The following MYH9 variants were observed in gnomAD, a reference collection of about 807,000 sequenced individuals.
MYH9 encodes myosin-9.
A neutral mutation model predicts 241.9 loss-of-function variants in MYH9; 29 were observed. That is an observed-to-expected ratio of 0.12 (90% confidence interval 0.09 to 0.16). The LOEUF (loss-of-function observed/expected upper bound fraction) is 0.16, where lower values mean the gene tolerates loss of function less well. Ranked by LOEUF, MYH9 falls within the 10% of genes least tolerant of loss-of-function variation. The pLI, the probability that MYH9 is intolerant of heterozygous loss-of-function variation, is 1.00. For synonymous variants in MYH9, 1,047 were observed against 1,062.6 expected (o/e 0.99, Z 0.29); for missense variants, 1,803 against 2,595.5 (o/e 0.69, Z 6.63).
At chr22:36,319,763 G>T in intron 9 of MYH9, 128 bp from the exon 10 acceptor site, 1 of 926,198 alleles carries the variant, frequency 1.1e-6, no homozygotes, top group Non-Finnish European at 1.7e-6. Context: ...ACTCCCTGGG[G>T]CCACAGGGGC....
Position 36,385,090 on chromosome 22 carries a change from C to T in MYH9, c.-20+2717G>A, listed in dbSNP as rs148443376. Among the ~76,000 whole-genome samples the T allele has an allele frequency of 3.0e-4, 45 of 151,998 alleles. No homozygotes were observed. The East Asian group carries it at 8.5e-3, about 29-fold the overall frequency. On this transcript the variant is annotated intron_variant, in intron 1 of 40. Coordinates refer to ENST00000216181, the MANE Select transcript of MYH9 (RefSeq NM_002473.6). ...AATTAGGACGTTTGTTTAATTACGA[C>T]GACACACAGATTTTGTTATTCTAAA... is the stretch of plus-strand genomic sequence containing the variant.
intron 1 of MYH9, among the ~76,000 whole-genome samples, chr22:36,386,851 G>A (rs2018359662): frequency 1.3e-5 from 2 of 152,278 alleles, no homozygotes; most frequent in South Asian, 4.1e-4. Context: ...GAGGACCCCA[G>A]CACAGGGAAG....
At position 36,312,207 on chromosome 22, in the gene MYH9, T is replaced by TGCCC; in HGVS notation, c.1566_1569dup (p.Ile524GlyfsTer45). 6.2e-7 allele frequency: 1 copy of TGCCC among 1,614,086 alleles called. No homozygotes were observed. Among genetic ancestry groups the TGCCC allele is most frequent in the Non-Finnish European group, 8.5e-7 (1 of 1,180,010 alleles). On this transcript the variant is annotated frameshift_variant, in exon 14 of 41. Coordinates refer to ENST00000216181, the MANE Select transcript of MYH9 (RefSeq NM_002473.6). LOFTEE classifies it high-confidence loss of function. ...CACTCCTCGTCCAGCAGGGCCAGAATGCCCGGGGGGCCTGCCTGGAGGAAG... is the reference window on the plus strand; with the variant it reads ...CACTCCTCGTCCAGCAGGGCCAGAATGCCCGCCCGGGGGGCCTGCCTGGAGGAAG...
intron 1 of MYH9, among the ~76,000 whole-genome samples, chr22:36,351,842 ACGCAT>A (rs1470075500): frequency 1.3e-5 from 2 of 152,006 alleles, no homozygotes; most frequent in African/African-American, 4.8e-5. Flanking sequence ...CCGCCAATGA[ACGCAT>A]CTGAGGACAT....
intron 1 of MYH9, among the ~76,000 whole-genome samples, chr22:36,375,926 A>C (rs1395753880): frequency 6.8e-6 from 1 of 147,948 alleles, no homozygotes; most frequent in Non-Finnish European, 1.5e-5. Context: ...TCAGCATGGT[A>C]CCTAGTACAT....
At chr22:36,299,160 A>G (rs2146341912) in intron 23 of MYH9, 118 bp from the exon 24 acceptor site, 1 of 1,347,650 alleles carries the variant, frequency 7.4e-7, no homozygotes, top group Admixed American at 1.7e-5. Flanking sequence ...TAGACGCTTG[A>G]TCAAGTTCAT....
Position 36,305,994 on chromosome 22 carries a change from C to G in MYH9, c.2095G>C (p.Glu699Gln). 6.2e-7 allele frequency: 1 copy of G among 1,613,400 alleles called. No homozygotes were observed. The highest frequency in any genetic ancestry group is 2.2e-5 in the East Asian group (1 of 44,880). ...CCCTGGCGGCAGATACGGATGCCCTCGAGAACACCGTTGCAGCGCAGCTGG... is the reference window on the plus strand; with the variant it reads ...CCCTGGCGGCAGATACGGATGCCCTGGAGAACACCGTTGCAGCGCAGCTGG... The part of the protein sequence containing the change: ...LDQLRCNGVL[E>Q]GIRICRQGFP... The change falls in exon 17 of 41, where the codon GAG becomes CAG. Residue 699 changes from glutamate to glutamine, a missense_variant. By Grantham distance (29) the Glu-to-Gln change is conservative. Around this residue, in one of 11 missense-constraint regions of MYH9, gnomAD observed 163 missense variants for 349.7 expected, o/e 0.47. Coordinates refer to ENST00000216181, the MANE Select transcript of MYH9 (RefSeq NM_002473.6). This position sits in a 1 kb window ranked among gnomAD's most constrained non-coding sequence, Gnocchi z 4.7.
At chr22:36,386,163 G>A (rs2018347645) in intron 1 of MYH9, among the ~76,000 whole-genome samples, 1 of 151,980 alleles carries the variant, frequency 6.6e-6, no homozygotes, top group Non-Finnish European at 1.5e-5. Context: ...ACCTTTCCGG[G>A]GTCCCTGTCA....
chr22:36,333,109 G>T (rs2017448987), intron 3 of MYH9, among the ~76,000 whole-genome samples: 1 of 152,226 alleles, frequency 6.6e-6, no homozygotes, highest in Non-Finnish European at 1.5e-5. Flanking sequence ...CACACACAGG[G>T]AGCATGGCAG....
At chr22:36,348,837 A>AGGGGGGGGGGGGGG in intron 2 of MYH9, 67 bp downstream of exon 2, 1 of 539,148 alleles carries the variant, frequency 1.9e-6, no homozygotes, top group Non-Finnish European at 2.9e-6. Context: ...TGATGGGAAG[A>AGGGGGGGGGGGGGG]CCCGCCCCCC....
chr22:36,365,414 A>C (rs1219411985), intron 1 of MYH9, among the ~76,000 whole-genome samples: 2 of 152,168 alleles, frequency 1.3e-5, no homozygotes, highest in East Asian at 3.8e-4. Flanking sequence ...CAGAGGCGCC[A>C]GGGCATCTCA....
At position 36,305,941 on chromosome 22, in the gene MYH9, C is replaced by T; in HGVS notation, c.2148G>A (p.Glu716=). Residue 716 remains glutamate, a synonymous_variant, in exon 17 of 41, where the codon GAG becomes GAA. Transcript: ENST00000216181. This position sits in a 1 kb window ranked among gnomAD's most constrained non-coding sequence, Gnocchi z 4.7. ...QGFPNRVVFQ[E]FRQRYEILTP... ...GGGCCCTGGCTCACCTCTGCCGAAA[C>T]TCCTGGAAGACCACCCTGTTGGGGA... is the stretch of plus-strand genomic sequence containing the variant. The T allele has an allele frequency of 6.2e-7, 1 of 1,613,232 alleles. No individual in the cohort carries two copies. The highest frequency in any genetic ancestry group is 8.5e-7 in the Non-Finnish European group (1 of 1,179,990).
chr22:36,308,684 G>A (rs1488669838), intron 15 of MYH9: 1 of 387,236 alleles, frequency 2.6e-6, no homozygotes, highest in East Asian at 1.7e-4. Flanking sequence ...TCAGGGAACG[G>A]GGGTGTAAGC....
chr22:36,349,128 C>T lies in MYH9; in HGVS notation c.109G>A (p.Asp37Asn), dbSNP rs1428883091. 8 of 1,614,164 alleles carry T rather than the reference C, an allele frequency of 5.0e-6. No individual in the cohort carries two copies. The highest frequency in any genetic ancestry group is 1.6e-4 in the Middle Eastern group (1 of 6,062). Residue 37 changes from aspartate (D) to asparagine (N), a missense_variant, in exon 2 of 41, where the codon GAC (aspartate) becomes AAC (asparagine). Physicochemically the swap from Asp to Asn is conservative, Grantham distance 23 (BLOSUM62 1). This residue lies in a region of MYH9 where 75 missense variants were observed against 79.1 expected (regional missense o/e 0.95). Coordinates refer to ENST00000216181, the MANE Select transcript of MYH9 (RefSeq NM_002473.6). Reference sequence around the variant, plus strand: ...CTGGCTGGCTCAAAGCCACTCTTGTCGGAAGGCACCCATACCAGCTTCTTG... The same window carrying T: ...CTGGCTGGCTCAAAGCCACTCTTGTTGGAAGGCACCCATACCAGCTTCTTG... Reference protein sequence around the residue: ...AAKKLVWVPSDKSGFEPASLK... With the variant: ...AAKKLVWVPSNKSGFEPASLK...
Position 36,330,331 on chromosome 22 carries a change from A to C in MYH9, c.491-2843T>G, listed in dbSNP as rs1171643413. ...CTTACCGCACTGCTTAGTATCCTAAATCCACCGGCCGGATGCACCACGAAT... is the reference window on the plus strand; with the variant it reads ...CTTACCGCACTGCTTAGTATCCTAACTCCACCGGCCGGATGCACCACGAAT... On this transcript the variant is annotated intron_variant, in intron 3 of 40. Transcript: ENST00000216181. The surrounding 1 kb of genome is among the most constrained non-coding windows in gnomAD (Gnocchi z 4.5). Among the ~76,000 whole-genome samples the C allele has an allele frequency of 6.6e-6, 1 of 152,170 alleles. No homozygotes were observed. The highest frequency in any genetic ancestry group is 1.9e-4 in the East Asian group (1 of 5,192).
At chr22:36,325,541 C>G (rs1235580134) in intron 5 of MYH9, among the ~76,000 whole-genome samples, 3 of 152,332 alleles carry the variant, frequency 2.0e-5, no homozygotes, top group East Asian at 3.9e-4. Context: ...TAAGTCTGAT[C>G]ACCCCAACCT....
At chr22:36,337,988 CTTTCT>C (rs752748817) in intron 3 of MYH9, among the ~76,000 whole-genome samples, 196 of 151,526 alleles carry the variant, frequency 1.3e-3, no homozygotes, top group Non-Finnish European at 2.0e-3. Flanking sequence ...AAAGAAGGAA[CTTTCT>C]TTTCTTTTTT....
At chr22:36,362,267 G>A (rs754843168) in intron 1 of MYH9, among the ~76,000 whole-genome samples, 1 of 152,086 alleles carries the variant, frequency 6.6e-6, no homozygotes, top group African/African-American at 2.4e-5. Flanking sequence ...TTTACCCTCT[G>A]ATCTCCTACT....
At position 36,329,822 on chromosome 22, in the gene MYH9, T is replaced by G. The variant is rs1305339504; in HGVS notation, c.491-2334A>C. ...ACACACATAGACACGCAAGCATCTGTGCATACACAGTCACATATGGAGGTA... is the reference window on the plus strand; with the variant it reads ...ACACACATAGACACGCAAGCATCTGGGCATACACAGTCACATATGGAGGTA... On this transcript the variant is annotated intron_variant, in intron 3 of 40. Transcript: ENST00000216181. This position sits in a 1 kb window ranked among gnomAD's most constrained non-coding sequence, Gnocchi z 4.1. Among the ~76,000 whole-genome samples the G allele has an allele frequency of 6.6e-6, 1 of 152,166 alleles. No homozygotes were observed. The highest frequency in any genetic ancestry group is 1.5e-5 in the Non-Finnish European group (1 of 68,038).
Sources: allele counts gnomAD v4.1 joint callset (sites outside exome capture counted in the v4.1 genomes callset), GRCh38; gene constraint gnomAD v4.1.1; regional missense constraint gnomAD v4.1.1; non-coding constraint Gnocchi (gnomAD v3.1); transcripts MANE v1.5; gene names NCBI Gene and HGNC (gene_info 2026-07-23, HGNC 2026-07-21).